Variants in GABPA observed in about 807,000 individuals in gnomAD.
The protein encoded by GABPA is GA binding protein transcription factor subunit alpha.
A neutral mutation model predicts 59.4 loss-of-function variants in GABPA; 4 were observed. The ratio of observed to expected loss-of-function variants is 0.07; its 90% confidence interval spans 0.03 to 0.15. The LOEUF is 0.15. GABPA is among the 10% of genes least tolerant of loss of function. The pLI is 1.00. For missense variants in GABPA, 251 were observed against 543.8 expected (o/e 0.46, Z 5.36); for synonymous variants, 164 against 183.1 (o/e 0.90, Z 0.84).
chr21:25,750,444 A>G (rs956954553), intron 4 of GABPA, among the ~76,000 whole-genome samples: 2 of 152,204 alleles, frequency 1.3e-5, no homozygotes, highest in African/African-American at 4.8e-5. Context: ...CTAGCTGCAA[A>G]GAAATCCAAC....
At chr21:25,757,930 T>C (rs1290340127) in intron 5 of GABPA, 80 bp from the exon 6 acceptor site, 2 of 629,910 alleles carry the variant, frequency 3.2e-6, no homozygotes, top group Admixed American at 3.2e-5. Context: ...TGTGTGTATG[T>C]GTGTGTATTG....
chr21:25,735,932 G>T (rs1023845592), intron 1 of GABPA, among the ~76,000 whole-genome samples: 24 of 152,048 alleles, frequency 1.6e-4, no homozygotes, highest in African/African-American at 4.3e-4. Flanking sequence ...TGCTCAGCTG[G>T]GATGTGGTCC....
chr21:25,756,473 G>T (rs1476293642), intron 5 of GABPA, among the ~76,000 whole-genome samples: 1 of 152,186 alleles, frequency 6.6e-6, no homozygotes, highest in Non-Finnish European at 1.5e-5. Flanking sequence ...GGCTCAGTTT[G>T]ACAAACACCC....
Position 25,735,112 on chromosome 21 carries a change from T to A in GABPA, c.-493T>A. 1.3e-6 allele frequency: 1 copy of A among 754,836 alleles called. No individual in the cohort carries two copies. Among genetic ancestry groups the A allele is most frequent in the Non-Finnish European group, 2.3e-6 (1 of 437,834 alleles). The allele number at this position is 754,836 out of a possible 1,614,324, so 46.8% of individuals were successfully genotyped here. On this transcript the variant is annotated 5_prime_UTR_variant, in exon 1 of 10. Coordinates refer to ENST00000400075, the MANE Select transcript of GABPA (RefSeq NM_002040.4). ...CCCCTGGCACAGCCTCCGCCATCTT[T>A]TCTTCGCCTAATTTGACCCGTTCTT...
At chr21:25,738,511 T>C (rs537942276) in intron 1 of GABPA, among the ~76,000 whole-genome samples, 3 of 152,328 alleles carry the variant, frequency 2.0e-5, no homozygotes, top group South Asian at 4.1e-4. Flanking sequence ...TGTAATCAGA[T>C]TTTTCTCCTT....
chr21:25,746,374 C>T (rs775989166), intron 3 of GABPA, among the ~76,000 whole-genome samples: 1 of 152,080 alleles, frequency 6.6e-6, no homozygotes, highest in Admixed American at 6.5e-5. Flanking sequence ...TCTTCTGGAT[C>T]GTTTGATTTA....
intron 1 of GABPA, among the ~76,000 whole-genome samples, chr21:25,735,844 C>T (rs1428543864): frequency 1.3e-5 from 2 of 152,030 alleles, no homozygotes; most frequent in Admixed American, 6.5e-5. Context: ...GGGACCCGTG[C>T]CGGACGGGTC....
intron 1 of GABPA, among the ~76,000 whole-genome samples, chr21:25,736,614 T>A (rs548653938): frequency 6.6e-6 from 1 of 152,336 alleles, no homozygotes; most frequent in East Asian, 1.9e-4. Flanking sequence ...AATCATGAGC[T>A]AGATGTTAGG....
At chr21:25,742,872 T>C (rs2035259522) in intron 2 of GABPA, among the ~76,000 whole-genome samples, 1 of 151,214 alleles carries the variant, frequency 6.6e-6, no homozygotes, top group Non-Finnish European at 1.5e-5. Context: ...CAGTGAGCCA[T>C]GATTGTGCCA....
At chr21:25,762,233 T>C (rs2035780992) in intron 6 of GABPA, 79 bp from the exon 7 acceptor site, 2 of 721,046 alleles carry the variant, frequency 2.8e-6, no homozygotes, top group South Asian at 3.8e-5. Context: ...GAACCATGTT[T>C]ATTAAGTTGA....
chr21:25,737,644 C>G (rs957691042), intron 1 of GABPA, among the ~76,000 whole-genome samples: 1 of 152,190 alleles, frequency 6.6e-6, no homozygotes, highest in Non-Finnish European at 1.5e-5. Context: ...CCTGCTGATA[C>G]GCCATTAGGG....
At chr21:25,750,388 G>A (rs2035479849) in intron 4 of GABPA, among the ~76,000 whole-genome samples, 2 of 152,150 alleles carry the variant, frequency 1.3e-5, no homozygotes, top group South Asian at 4.1e-4. Context: ...TTTCCAAATA[G>A]AAGGCTTATA....
chr21:25,742,112 C>A (rs1393203399), intron 2 of GABPA, among the ~76,000 whole-genome samples: 1 of 152,146 alleles, frequency 6.6e-6, no homozygotes, highest in Non-Finnish European at 1.5e-5. Flanking sequence ...AGGAGACATA[C>A]AGGTATATGA....
At chr21:25,755,675 C>G (rs1453498631) in intron 5 of GABPA, among the ~76,000 whole-genome samples, 1 of 152,116 alleles carries the variant, frequency 6.6e-6, no homozygotes, top group Non-Finnish European at 1.5e-5. Flanking sequence ...CTCTCAGTGT[C>G]TGTTCGTGTC....
chr21:25,742,504 T>C (rs2035247172), intron 2 of GABPA, among the ~76,000 whole-genome samples: 1 of 152,152 alleles, frequency 6.6e-6, no homozygotes, highest in East Asian at 1.9e-4. Flanking sequence ...TAATAGAGCT[T>C]TTCAACTTGT....
intron 6 of GABPA, among the ~76,000 whole-genome samples, chr21:25,761,254 A>G (rs1376500156): frequency 6.6e-6 from 1 of 152,130 alleles, no homozygotes; most frequent in Non-Finnish European, 1.5e-5. Context: ...CCTCACAATA[A>G]CCTCATGAGG....
chr21:25,751,959 A>G (rs761098822), intron 4 of GABPA, 30 bp from the exon 5 acceptor site: 1 of 1,602,532 alleles, frequency 6.2e-7, no homozygotes, highest in East Asian at 2.2e-5. Flanking sequence ...TTTCATTTAG[A>G]TTTACAATTT....
chr21:25,747,869 CT>C (rs1158236295), intron 3 of GABPA, among the ~76,000 whole-genome samples: 1 of 152,078 alleles, frequency 6.6e-6, no homozygotes, highest in Non-Finnish European at 1.5e-5. Flanking sequence ...ATGGATGAAA[CT>C]GTCATATTTA....
At chr21:25,761,925 G>T (rs2035773995) in intron 6 of GABPA, among the ~76,000 whole-genome samples, 1 of 152,128 alleles carries the variant, frequency 6.6e-6, no homozygotes, top group Admixed American at 6.5e-5. Flanking sequence ...GGCCTTTTTG[G>T]TGGAGATACG....
Sources: gnomAD v4.1 joint callset for allele counts (sites outside exome capture counted in the v4.1 genomes callset) on GRCh38, gnomAD v4.1.1 for gene constraint, MANE v1.5 for transcripts, NCBI Gene and HGNC (gene_info 2026-07-23, HGNC 2026-07-21) for gene names.